EP300: variants seen among roughly 807,000 people sequenced by gnomAD.
EP300 encodes EP300 lysine acetyltransferase.
Under a neutral mutation model 264.0 loss-of-function variants are expected in EP300, and 31 were observed. The observed-to-expected ratio is 0.12, with a 90% CI of 0.09 to 0.16. The LOEUF is 0.16. EP300 is among the 10% of genes least tolerant of loss of function. The pLI is 1.00. For missense variants in EP300, 2,766 were observed against 3,052.9 expected, an observed-to-expected ratio of 0.91 and a Z score of 2.21; for synonymous variants, 1,340 against 1,045.4, an observed-to-expected ratio of 1.28 and a Z score of -5.44.
At chr22:41,116,766 A>G (rs1267281800) in intron 1 of EP300, among the ~76,000 whole-genome samples, 5 of 152,218 alleles carry the variant, frequency 3.3e-5, no homozygotes, top group African/African-American at 1.2e-4. Context: ...CCATACAAAT[A>G]GTATATATAT....
intron 1 of EP300, among the ~76,000 whole-genome samples, chr22:41,104,781 A>G (rs1375911939): frequency 6.6e-6 from 1 of 151,982 alleles, no homozygotes; most frequent in Non-Finnish European, 1.5e-5. Flanking sequence ...GCACTTTGGG[A>G]GGCTGAGGCA....
chr22:41,134,889 G>A (rs1238684062), intron 6 of EP300, among the ~76,000 whole-genome samples: 2 of 144,902 alleles, frequency 1.4e-5, no homozygotes, highest in African/African-American at 2.8e-5. Context: ...CTTGGAATGA[G>A]CATTGCTTTT....
At chr22:41,095,188 A>T (rs564168948) in intron 1 of EP300, among the ~76,000 whole-genome samples, 14 of 151,044 alleles carry the variant, frequency 9.3e-5, no homozygotes, top group Non-Finnish European at 1.5e-4. Flanking sequence ...TATAAAGAAA[A>T]TACTGTCCCT....
chr22:41,177,346 C>T lies in EP300; in HGVS notation c.5635C>T (p.Pro1879Ser), dbSNP rs2145516873. ...GCCCACTTCTCAGCCTCAGCCTACC[C>T]CTCCCAATAGCATGCCACCCTACTT... ...PQPTSQPQPT[P>S]PNSMPPYLPR... The change falls in exon 31 of 31, where the codon CCT becomes TCT. Residue 1879 changes from proline (P) to serine (S), a missense_variant. Physicochemically the swap from Pro to Ser is moderately conservative, Grantham distance 74. Coordinates refer to ENST00000263253, the MANE Select transcript of EP300 (RefSeq NM_001429.4). The T allele has an allele frequency of 1.9e-6, 3 of 1,614,062 alleles. No homozygotes were observed. The highest frequency in any genetic ancestry group is 2.7e-5 in the African/African-American group (2 of 74,998).
intron 1 of EP300, chr22:41,108,238 CTTTTTCT>C: frequency 7.6e-6 from 1 of 131,456 alleles, no homozygotes; most frequent in Middle Eastern, 4.0e-3. Flanking sequence ...TTTTCTTTTT[CTTTTTCT>C]TTTTTTTTTT....
At chr22:41,135,682 A>G (rs1601610111) in intron 6 of EP300, 131 bp from the exon 7 acceptor site, 4 of 703,852 alleles carry the variant, frequency 5.7e-6, no homozygotes, top group Admixed American at 2.3e-5. Flanking sequence ...TGCCAGTTAT[A>G]TTGTCAATTA....
chr22:41,179,011 T>A lies in EP300; in HGVS notation c.*55T>A. 1 of 1,601,184 alleles carries A rather than the reference T, an allele frequency of 6.2e-7. No individual in the cohort carries two copies. The highest frequency in any genetic ancestry group is 8.5e-7 in the Non-Finnish European group (1 of 1,175,036). ...AAATTATTTTCTCTTAACAAGACTT[T>A]TTGTACTGAAAACAATTTTTTTGAA... On this transcript the variant is annotated 3_prime_UTR_variant, in exon 31 of 31. Coordinates refer to ENST00000263253, the MANE Select transcript of EP300 (RefSeq NM_001429.4).
Position 41,173,882 on chromosome 22 carries a change from C to T in EP300, c.4779+98C>T, listed in dbSNP as rs149548576. 1,086 of 1,460,218 alleles carry T rather than the reference C, an allele frequency of 7.4e-4. 1 individual carries two copies. The highest frequency in any genetic ancestry group is 9.8e-4 in the Non-Finnish European group (1,028 of 1,044,932). The allele number at this position is 1,460,218 out of a possible 1,614,324, so 90.5% of individuals were successfully genotyped here. A position where few individuals can be genotyped will look rare whatever the true frequency, so the allele number is the denominator to read the frequency against. Reference sequence around the variant, plus strand: ...ATCCCAGCACTTTGGGAGGCCAAGGCGGGTGGATCACCTGAGGTCAGGAGT... The same window carrying T: ...ATCCCAGCACTTTGGGAGGCCAAGGTGGGTGGATCACCTGAGGTCAGGAGT... On this transcript the variant is annotated intron_variant, in intron 29 of 30. Transcript: ENST00000263253.
At position 41,152,269 on chromosome 22, in the gene EP300, A is replaced by C; in HGVS notation, c.3061A>C (p.Thr1021Pro). ...ETEERSTELKTEIKEEEDQPS... is the reference protein window; with the variant it reads ...ETEERSTELKPEIKEEEDQPS... ...AGAAGAGAGAAGCACTGAGTTAAAA[A>C]CTGAAATAAAAGAGGAGGAAGACCA... Residue 1021 changes from threonine (T) to proline (P), a missense_variant, in exon 16 of 31, where the codon ACT becomes CCT. Transcript: ENST00000263253. The C allele has an allele frequency of 1.2e-6, 2 of 1,614,178 alleles. No individual in the cohort carries two copies. Among genetic ancestry groups the C allele is most frequent in the Non-Finnish European group, 1.7e-6 (2 of 1,180,032 alleles).
At chr22:41,100,981 C>G (rs2058728765) in intron 1 of EP300, among the ~76,000 whole-genome samples, 1 of 152,098 alleles carries the variant, frequency 6.6e-6, no homozygotes, top group Non-Finnish European at 1.5e-5. Context: ...AAATGAAAAT[C>G]AGCAGATAGT....
intron 23 of EP300, among the ~76,000 whole-genome samples, chr22:41,167,156 C>A (rs1349906072): frequency 6.6e-6 from 1 of 152,204 alleles, no homozygotes; most frequent in Non-Finnish European, 1.5e-5. Context: ...TGCCTCCACA[C>A]CCAGCTAATT....
chr22:41,125,485 C>T (rs1321820869), intron 2 of EP300, among the ~76,000 whole-genome samples: 1 of 151,864 alleles, frequency 6.6e-6, no homozygotes, highest in African/African-American at 2.4e-5. Flanking sequence ...AGGCTGTTGT[C>T]AAACTCCTGA....
intron 6 of EP300, among the ~76,000 whole-genome samples, chr22:41,134,580 A>G (rs2032913025): frequency 6.6e-6 from 1 of 152,140 alleles, no homozygotes; most frequent in African/African-American, 2.4e-5. Flanking sequence ...TGTTTTGTAG[A>G]GACAGGGTTT....
intron 12 of EP300, 83 bp from the exon 13 acceptor site, chr22:41,148,955 G>T (rs2273227): frequency 6.3e-7 from 1 of 1,593,788 alleles, no homozygotes; most frequent in Non-Finnish European, 8.6e-7. Context: ...TAAGCCTGAC[G>T]TTAGGAGCAT....
At chr22:41,135,160 A>G (rs1229446678) in intron 6 of EP300, among the ~76,000 whole-genome samples, 1 of 152,146 alleles carries the variant, frequency 6.6e-6, no homozygotes, top group Non-Finnish European at 1.5e-5. Context: ...TCGGCCTCCC[A>G]AAGTGCTGGG....
intron 5 of EP300, 92 bp from the exon 6 acceptor site, chr22:41,131,296 A>G: frequency 1.5e-6 from 2 of 1,361,550 alleles, no homozygotes; most frequent in Non-Finnish European, 2.1e-6. Context: ...TAATCACGTA[A>G]CAATAATTTT....
In EP300 at chr22:41,131,431, T is replaced by G; in HGVS notation, c.1326T>G (p.Ser442=). The G allele has an allele frequency of 6.2e-7, 1 of 1,614,134 alleles. No homozygotes were observed. Among genetic ancestry groups the G allele is most frequent in the South Asian group, 1.1e-5 (1 of 91,074 alleles). Residue 442 remains serine (S), a synonymous_variant, in exon 6 of 31, where the codon TCT becomes TCG. Transcript: ENST00000263253. ...CCGTTGGACTTGGAAATCCTAGCTC[T>G]CTAGGGGTGGGTCAACAGTCTGCCC... The part of the protein sequence containing the change: ...GAPVGLGNPS[S]LGVGQQSAPN...
intron 22 of EP300, among the ~76,000 whole-genome samples, chr22:41,164,693 T>TGACTGTGA (rs2059125343): frequency 6.6e-6 from 1 of 152,170 alleles, no homozygotes. Flanking sequence ...CCAGCCTGGG[T>TGACTGTGA]GACAGAGTGA....
chr22:41,129,658 G>C (rs984839743), intron 4 of EP300, among the ~76,000 whole-genome samples: 4 of 152,194 alleles, frequency 2.6e-5, no homozygotes, highest in Non-Finnish European at 4.4e-5. Flanking sequence ...CAGACTGCTT[G>C]AGGTTGAATC....
Sources: allele counts gnomAD v4.1 joint callset (sites outside exome capture counted in the v4.1 genomes callset), GRCh38; gene constraint gnomAD v4.1.1; transcripts MANE v1.5; gene names NCBI Gene and HGNC (gene_info 2026-07-23, HGNC 2026-07-21).